VAV2: variants seen among roughly 807,000 people sequenced by gnomAD.
The protein encoded by VAV2 is vav guanine nucleotide exchange factor 2.
VAV2 carries 67 observed loss-of-function variants against 132.5 expected under a neutral mutation model. The observed-to-expected ratio is 0.51, with a 90% CI of 0.42 to 0.62. The LOEUF (loss-of-function observed/expected upper bound fraction) is 0.62, where lower values mean the gene tolerates loss of function less well. Among genes scored for constraint, VAV2 ranks in the 20% least tolerant of loss-of-function variants. VAV2 has a pLI of 0.00. For synonymous variants in VAV2, 492 were observed against 443.5 expected (o/e 1.11, Z -1.37); for missense variants, 938 against 1,153.6 (o/e 0.81, Z 2.71).
intron 2 of VAV2, among the ~76,000 whole-genome samples, chr9:133,906,957 C>A (rs1227317192): frequency 2.0e-5 from 3 of 152,092 alleles, no homozygotes; most frequent in Non-Finnish European, 4.4e-5. Flanking sequence ...GGACCCTGGC[C>A]TGCCACTGGG....
intron 1 of VAV2, among the ~76,000 whole-genome samples, chr9:133,944,858 C>A (rs1441479373): frequency 2.0e-5 from 3 of 152,222 alleles, no homozygotes; most frequent in Admixed American, 2.0e-4. Context: ...ACCCTCGCTG[C>A]TCCCTCCTCC....
chr9:133,924,799 C>A (rs1374117722), intron 2 of VAV2, among the ~76,000 whole-genome samples: 1 of 152,144 alleles, frequency 6.6e-6, no homozygotes. Flanking sequence ...TCACAGGAGC[C>A]GAAGGTGAAA....
chr9:133,892,656 CT>C (rs1205354606), intron 2 of VAV2, among the ~76,000 whole-genome samples: 1 of 152,142 alleles, frequency 6.6e-6, no homozygotes, highest in East Asian at 1.9e-4. Flanking sequence ...GCAGAGACAA[CT>C]GTCCTTCGGC....
rs531715029 is a variant in VAV2, at chr9:133,774,470, T to C, written c.2135+465A>G. On this transcript the variant is annotated intron_variant, in intron 25 of 29. Coordinates refer to ENST00000371850, the MANE Select transcript of VAV2 (RefSeq NM_001134398.2). ...GGAGGCGGCTCCCAGGGAGAGGGCA[T>C]AGGGCAGGAGGATGCCCAGACTGTG... is the stretch of plus-strand genomic sequence containing the variant. Among the ~76,000 whole-genome samples the C allele has an allele frequency of 3.3e-5, 5 of 152,272 alleles. No homozygotes were observed. The South Asian group carries it at 6.2e-4, about 19-fold the overall frequency.
intron 4 of VAV2, among the ~76,000 whole-genome samples, chr9:133,830,759 C>T (rs1181587737): frequency 6.6e-6 from 1 of 152,170 alleles, no homozygotes; most frequent in Non-Finnish European, 1.5e-5. Context: ...ATGGCATGCG[C>T]TTGTGTCTTG....
At position 133,925,148 on chromosome 9, in the gene VAV2, G is replaced by A. The variant is rs76735027; in HGVS notation, c.321+13955C>T. Among the ~76,000 whole-genome samples, 535 of 152,328 alleles carry A rather than the reference G, an allele frequency of 3.5e-3. 3 individuals carry two copies. The highest frequency in any genetic ancestry group is 0.012 in the African/African-American group (510 of 41,568). On this transcript the variant is annotated intron_variant, in intron 2 of 29. Transcript: ENST00000371850. ...AGAGGGGATGGTTGTACAACACTGG[G>A]AATCTGTTCGATGCTGCTGAAATGC...
At chr9:133,829,538 G>A (rs527889735) in intron 4 of VAV2, among the ~76,000 whole-genome samples, 25 of 152,350 alleles carry the variant, frequency 1.6e-4, no homozygotes, top group African/African-American at 5.3e-4. Context: ...AGGACTCAGC[G>A]CAAGCACCAC....
intron 1 of VAV2, among the ~76,000 whole-genome samples, chr9:133,988,893 C>T (rs961316896): frequency 6.6e-6 from 1 of 152,160 alleles, no homozygotes; most frequent in Admixed American, 6.5e-5. Context: ...TAGTGAAACG[C>T]CGCCTCTACT....
At chr9:133,764,444 A>G (rs1380837245) in intron 29 of VAV2, among the ~76,000 whole-genome samples, 1 of 152,220 alleles carries the variant, frequency 6.6e-6, no homozygotes, top group East Asian at 1.9e-4. Flanking sequence ...AAATGACAAA[A>G]ACCAATAGAA....
At chr9:133,924,032 T>C (rs553577515) in intron 2 of VAV2, among the ~76,000 whole-genome samples, 2 of 152,112 alleles carry the variant, frequency 1.3e-5, no homozygotes, top group East Asian at 3.9e-4. Context: ...AGGAGAAATA[T>C]CTCATGTAAA....
intron 25 of VAV2, among the ~76,000 whole-genome samples, chr9:133,774,283 C>A (rs1833733286): frequency 6.6e-6 from 1 of 152,198 alleles, no homozygotes; most frequent in Non-Finnish European, 1.5e-5. Context: ...GCCCTACCCC[C>A]AGCTCCTGGT....
intron 9 of VAV2, among the ~76,000 whole-genome samples, chr9:133,800,186 T>C (rs7855899): frequency 0.3 from 45,224 of 152,188 alleles, 8,641 homozygotes; most frequent in African/African-American, 0.55. Context: ...CTGTGCCTCC[T>C]ATCTGATGAT....
intron 1 of VAV2, among the ~76,000 whole-genome samples, chr9:133,988,110 T>A (rs2132313512): frequency 6.6e-6 from 1 of 152,234 alleles, no homozygotes; most frequent in Middle Eastern, 3.4e-3. Context: ...GGAGGGAACA[T>A]CATAGAGGCC....
intron 10 of VAV2, 35 bp downstream of exon 10, chr9:133,797,675 A>G: frequency 6.3e-7 from 1 of 1,592,086 alleles, no homozygotes; most frequent in Non-Finnish European, 8.6e-7. Context: ...GCAACCTTGG[A>G]GCCAGGGCCA....
intron 1 of VAV2, among the ~76,000 whole-genome samples, chr9:133,974,546 C>T (rs999946726): frequency 2.0e-5 from 3 of 152,136 alleles, no homozygotes; most frequent in South Asian, 2.1e-4. Flanking sequence ...ACCCGGGGGA[C>T]GGGGAGTGCA....
Position 133,771,908 on chromosome 9 carries a change from C to A in VAV2, c.2223+51G>T, listed in dbSNP as rs149500041. On this transcript the variant is annotated intron_variant, in intron 26 of 29. Coordinates refer to ENST00000371850, the MANE Select transcript of VAV2 (RefSeq NM_001134398.2). The stretch of plus-strand genomic sequence containing the variant: ...ACTCGCTCAGGGCCGGGAGGAAGCA[C>A]CTGTCCCCTGTGGCTGGGGTGGGAG... 6.0e-4 allele frequency: 928 copies of A among 1,538,058 alleles called. 9 individuals carry two copies. The African/African-American group carries it at 0.01, about 17-fold the overall frequency.
intron 2 of VAV2, among the ~76,000 whole-genome samples, chr9:133,917,511 C>T (rs1840140768): frequency 7.0e-6 from 1 of 143,772 alleles, no homozygotes; most frequent in South Asian, 2.1e-4. Flanking sequence ...AGACGCATAA[C>T]CTCCAAAGGG....
rs189984803 is a variant in VAV2, at chr9:133,924,661, A to G, written c.321+14442T>C. ...CCAGTCACCACCAGCTCTTCCCTCA[A>G]GAGGAACAGCCTTCAGGGTCCAAGG... On this transcript the variant is annotated intron_variant, in intron 2 of 29. Transcript: ENST00000371850. Among the ~76,000 whole-genome samples the G allele has an allele frequency of 3.1e-3, 469 of 152,302 alleles. 9 individuals are homozygous for G. Among genetic ancestry groups the G allele is most frequent in the Non-Finnish European group, 6.5e-4 (44 of 68,012 alleles).
Position 133,992,207 on chromosome 9 carries a change from C to T in VAV2, c.72G>A (p.Val24=). The part of the protein sequence containing the change: ...CKVLPPNHRV[V]WPSAVVFDLA... ...GGTCGAAGACCACGGCCGAGGGCCA[C>T]ACCACCCGGTGGTTGGGCGGCAGGA... The change falls in exon 1 of 30, where the codon GTG becomes GTA. Residue 24 remains valine, a synonymous_variant. Coordinates refer to ENST00000371850, the MANE Select transcript of VAV2 (RefSeq NM_001134398.2). This position sits in a 1 kb window ranked among gnomAD's most constrained non-coding sequence, Gnocchi z 5.5. 1 of 1,597,242 alleles carries T rather than the reference C, an allele frequency of 6.3e-7. No homozygotes were observed. Among genetic ancestry groups the T allele is most frequent in the East Asian group, 2.3e-5 (1 of 43,770 alleles).
Sources: gnomAD v4.1 joint callset for allele counts (sites outside exome capture counted in the v4.1 genomes callset) on GRCh38, gnomAD v4.1.1 for gene constraint, Gnocchi (gnomAD v3.1) non-coding constraint, MANE v1.5 for transcripts, NCBI Gene and HGNC (gene_info 2026-07-23, HGNC 2026-07-21) for gene names.